CCDC178: variants seen among roughly 807,000 people sequenced by gnomAD.
CCDC178 encodes coiled-coil domain-containing protein 178.
A neutral mutation model predicts 117.4 loss-of-function variants in CCDC178; 126 were observed. The observed-to-expected ratio is 1.07, with a 90% CI of 0.93 to 1.24. The LOEUF is 1.24. CCDC178 is among the 50% of genes most tolerant of loss of function. CCDC178 has a pLI of 0.00. For synonymous variants in CCDC178, 283 were observed against 313.4 expected, an observed-to-expected ratio of 0.90 and a Z score of 1.02; for missense variants, 1,030 against 986.9, an observed-to-expected ratio of 1.04 and a Z score of -0.59.
intron 21 of CCDC178, among the ~76,000 whole-genome samples, chr18:33,054,972 T>C (rs532683085): frequency 1.4e-4 from 22 of 152,362 alleles, no homozygotes; most frequent in African/African-American, 5.0e-4. Context: ...GTAGCCATTC[T>C]GACTGGTGTG....
chr18:33,391,802 C>T (rs2063568323), intron 4 of CCDC178, among the ~76,000 whole-genome samples: 1 of 151,380 alleles, frequency 6.6e-6, no homozygotes, highest in Non-Finnish European at 1.5e-5. Context: ...ATTTAAAATA[C>T]TGGTAAAAGT....
intron 9 of CCDC178, among the ~76,000 whole-genome samples, chr18:33,336,099 T>C (rs1428484081): frequency 1.3e-5 from 2 of 152,142 alleles, no homozygotes; most frequent in Admixed American, 6.5e-5. Flanking sequence ...CAAAAATCTA[T>C]TTGAGATTAG....
At chr18:33,108,119 A>G (rs2057732463) in intron 20 of CCDC178, among the ~76,000 whole-genome samples, 1 of 151,580 alleles carries the variant, frequency 6.6e-6, no homozygotes, top group African/African-American at 2.4e-5. Context: ...AAGTGTTTAT[A>G]CATTTCCCTT....
chr18:33,404,721 C>G (rs1020616839), intron 3 of CCDC178, among the ~76,000 whole-genome samples: 5 of 152,010 alleles, frequency 3.3e-5, no homozygotes, highest in Non-Finnish European at 7.4e-5. Context: ...CATCTATCTA[C>G]TGATGAATGT....
intron 21 of CCDC178, among the ~76,000 whole-genome samples, chr18:33,030,732 A>C (rs1210583328): frequency 6.6e-6 from 1 of 152,114 alleles, no homozygotes; most frequent in Non-Finnish European, 1.5e-5. Flanking sequence ...GTCTCACATG[A>C]GATAGATGAT....
chr18:32,949,110 G>A (rs1436603284), intron 22 of CCDC178, among the ~76,000 whole-genome samples: 1 of 152,026 alleles, frequency 6.6e-6, no homozygotes, highest in Non-Finnish European at 1.5e-5. Flanking sequence ...GAAATCTGCT[G>A]TTAACCTTAT....
At chr18:33,281,197 C>T (rs865993297) in intron 12 of CCDC178, among the ~76,000 whole-genome samples, 3 of 151,844 alleles carry the variant, frequency 2.0e-5, no homozygotes, top group South Asian at 2.1e-4. Flanking sequence ...CAAACGTATA[C>T]AAAATTACAG....
At chr18:32,948,650 C>T (rs540443749) in intron 22 of CCDC178, among the ~76,000 whole-genome samples, 7 of 152,160 alleles carry the variant, frequency 4.6e-5, no homozygotes, top group South Asian at 4.1e-4. Flanking sequence ...ATTTAAAAAA[C>T]GGTATAAAAC....
At chr18:33,072,410 A>G (rs758847578) in intron 21 of CCDC178, among the ~76,000 whole-genome samples, 2 of 152,148 alleles carry the variant, frequency 1.3e-5, no homozygotes, top group Non-Finnish European at 2.9e-5. Context: ...GATATTTACA[A>G]ATATATAATA....
Position 33,245,316 on chromosome 18 carries a change from G to C in CCDC178, c.1522C>G (p.Leu508Val), listed in dbSNP as rs749917204. The change falls in exon 15 of 23, where the codon CTT becomes GTT. Residue 508 changes from leucine to valine, a missense_variant. By Grantham distance (32) the Leu-to-Val change is conservative. Transcript: ENST00000383096. ...GTCTTGTGTTTGGTTAGGTGGAAAAGAGTACCAATGCGATAAGCCTCCTTA... is the reference window on the plus strand; with the variant it reads ...GTCTTGTGTTTGGTTAGGTGGAAAACAGTACCAATGCGATAAGCCTCCTTA... ...IYKEAYRIGT[L>V]FHLTKHKTDE... The C allele has an allele frequency of 4.4e-6, 7 of 1,607,322 alleles. No individual in the cohort carries two copies. The highest frequency in any genetic ancestry group is 5.9e-6 in the Non-Finnish European group (7 of 1,177,004).
At chr18:32,998,045 A>G (rs1227665260) in intron 21 of CCDC178, among the ~76,000 whole-genome samples, 1 of 152,212 alleles carries the variant, frequency 6.6e-6, no homozygotes, top group African/African-American at 2.4e-5. Flanking sequence ...ACCTGGTTTT[A>G]ATTTCATAGC....
At chr18:33,298,954 A>C (rs1388706040) in intron 11 of CCDC178, among the ~76,000 whole-genome samples, 1 of 152,154 alleles carries the variant, frequency 6.6e-6, no homozygotes, top group Non-Finnish European at 1.5e-5. Flanking sequence ...AAACTGCAAA[A>C]CACTAATGAA....
intron 12 of CCDC178, among the ~76,000 whole-genome samples, chr18:33,270,012 G>T (rs1177878733): frequency 6.6e-6 from 1 of 151,512 alleles, no homozygotes; most frequent in African/African-American, 2.4e-5. Flanking sequence ...TTAGCAAATA[G>T]AAACTATTAA....
chr18:33,335,212 T>C (rs897362094), intron 9 of CCDC178, among the ~76,000 whole-genome samples: 4 of 152,060 alleles, frequency 2.6e-5, no homozygotes, highest in African/African-American at 9.7e-5. Context: ...TCATACACTT[T>C]GATAATTAAT....
chr18:33,102,856 G>A (rs1280497446), intron 20 of CCDC178, among the ~76,000 whole-genome samples: 1 of 151,752 alleles, frequency 6.6e-6, no homozygotes, highest in Non-Finnish European at 1.5e-5. Context: ...GCATGCTTTT[G>A]TAGATAAATT....
At chr18:33,161,356 A>G (rs1189274657) in intron 20 of CCDC178, among the ~76,000 whole-genome samples, 1 of 152,054 alleles carries the variant, frequency 6.6e-6, no homozygotes, top group Non-Finnish European at 1.5e-5. Flanking sequence ...TGAAAACTAC[A>G]TGTGTGGAGT....
intron 17 of CCDC178, among the ~76,000 whole-genome samples, chr18:33,223,846 A>T (rs1004838562): frequency 6.6e-6 from 1 of 152,148 alleles, no homozygotes; most frequent in Non-Finnish European, 1.5e-5. Flanking sequence ...CTGGTTATAC[A>T]TTCTTTGCAG....
intron 6 of CCDC178, among the ~76,000 whole-genome samples, chr18:33,367,311 A>T (rs2144748637): frequency 6.6e-6 from 1 of 152,206 alleles, no homozygotes; most frequent in East Asian, 1.9e-4. Context: ...AATATTTCTT[A>T]CACACATAAC....
chr18:33,347,416 G>C (rs560721657), intron 8 of CCDC178, among the ~76,000 whole-genome samples: 1 of 152,142 alleles, frequency 6.6e-6, no homozygotes, highest in Non-Finnish European at 1.5e-5. Context: ...CATTGGACTT[G>C]TCAAAGAAAT....
Sources: allele counts gnomAD v4.1 joint callset (sites outside exome capture counted in the v4.1 genomes callset), GRCh38; gene constraint gnomAD v4.1.1; transcripts MANE v1.5; gene names NCBI Gene and HGNC (gene_info 2026-07-23, HGNC 2026-07-21).